CADPS: variants seen among roughly 807,000 people sequenced by gnomAD.
The protein encoded by CADPS is calcium dependent secretion activator.
A neutral mutation model predicts 167.3 loss-of-function variants in CADPS; 57 were observed. The ratio of observed to expected loss-of-function variants is 0.34; its 90% confidence interval spans 0.28 to 0.42. The LOEUF (loss-of-function observed/expected upper bound fraction) is 0.42, where lower values mean the gene tolerates loss of function less well. Ranked by LOEUF, CADPS falls within the 20% of genes least tolerant of loss-of-function variation. CADPS has a pLI of 1.00. For missense variants in CADPS, 1,414 were observed against 1,738.1 expected (o/e 0.81, Z 3.32); for synonymous variants, 676 against 635.3 (o/e 1.06, Z -0.96).
At chr3:62,852,472 C>A (rs913391243) in intron 1 of CADPS, among the ~76,000 whole-genome samples, 2 of 152,134 alleles carry the variant, frequency 1.3e-5, no homozygotes, top group African/African-American at 4.8e-5. Flanking sequence ...TCTCTTCTTT[C>A]ATTTTCCTTT....
rs1170748126 is a variant in CADPS, at chr3:62,458,082, TA to T, written c.3636+7284del. 2.6e-5 allele frequency among the ~76,000 whole-genome samples: 4 copies of T among 152,000 alleles called. No homozygotes were observed. In the East Asian group the frequency reaches 7.7e-4, roughly 29 times the overall value. On this transcript the variant is annotated intron_variant, in intron 26 of 29. Transcript: ENST00000383710. The surrounding 1 kb of genome is among the most constrained non-coding windows in gnomAD (Gnocchi z 4.6). Reference sequence around the variant, plus strand: ...GTATCCCAGAACTTGAAGTATAATTTAAAAAAAAATTTTTAAAAAAGCACCA... The same window carrying T: ...GTATCCCAGAACTTGAAGTATAATTTAAAAAAAATTTTTAAAAAAGCACCA...
At chr3:62,545,845 C>T (rs2076367869) in intron 11 of CADPS, among the ~76,000 whole-genome samples, 1 of 152,102 alleles carries the variant, frequency 6.6e-6, no homozygotes, top group Non-Finnish European at 1.5e-5. Flanking sequence ...TGGAGTGTTT[C>T]TTTTTCTCTA....
chr3:62,857,353 G>T (rs932558268), intron 1 of CADPS, among the ~76,000 whole-genome samples: 2 of 152,030 alleles, frequency 1.3e-5, no homozygotes, highest in African/African-American at 4.8e-5. Flanking sequence ...TTGGAAATTG[G>T]TAACAGCATT....
At chr3:62,537,583 G>T (rs1577384897) in intron 11 of CADPS, among the ~76,000 whole-genome samples, 4 of 152,252 alleles carry the variant, frequency 2.6e-5, no homozygotes, top group East Asian at 3.9e-4. Context: ...TCTAGCAAAA[G>T]ATTTTATTCA....
intron 3 of CADPS, among the ~76,000 whole-genome samples, chr3:62,676,953 C>T (rs931730604): frequency 6.6e-6 from 1 of 152,130 alleles, no homozygotes; most frequent in Non-Finnish European, 1.5e-5. Context: ...GATAGGAAGT[C>T]AGACATGCAC....
At chr3:62,870,532 T>C (rs2082440418) in intron 1 of CADPS, among the ~76,000 whole-genome samples, 1 of 152,242 alleles carries the variant, frequency 6.6e-6, no homozygotes, top group Non-Finnish European at 1.5e-5. Flanking sequence ...CATCATTTCA[T>C]GGGCAGATAC....
chr3:62,494,961 C>A (rs1046606888), intron 18 of CADPS, among the ~76,000 whole-genome samples: 7 of 152,084 alleles, frequency 4.6e-5, no homozygotes, highest in Non-Finnish European at 7.4e-5. Flanking sequence ...CCACACCTGG[C>A]CTCTTACCAG....
chr3:62,662,198 C>T (rs2073404553), intron 4 of CADPS, 116 bp downstream of exon 4: 3 of 899,382 alleles, frequency 3.3e-6, no homozygotes, highest in South Asian at 1.4e-5. Flanking sequence ...TGATTGTCCT[C>T]ATCTTCCCTC....
At chr3:62,400,007 CTTGT>C (rs1383968669) in intron 29 of CADPS, among the ~76,000 whole-genome samples, 1 of 152,076 alleles carries the variant, frequency 6.6e-6, no homozygotes, top group African/African-American at 2.4e-5. Flanking sequence ...CTGTTGCAGT[CTTGT>C]TTTAGTATTT....
At chr3:62,850,992 C>A (rs1052490706) in intron 1 of CADPS, among the ~76,000 whole-genome samples, 7 of 146,698 alleles carry the variant, frequency 4.8e-5, no homozygotes, top group African/African-American at 1.8e-4. Context: ...GGATAGTTAG[C>A]TCCTCTTGTT....
At position 62,784,526 on chromosome 3, in the gene CADPS, A is replaced by G. The variant is rs2092191119; in HGVS notation, c.442-18542T>C. On this transcript the variant is annotated intron_variant, in intron 1 of 29. Coordinates refer to ENST00000383710, the MANE Select transcript of CADPS (RefSeq NM_003716.4). ...TGATGGATATTAACAGTCCCCAAAG[A>G]GAGAGAACTATTTATTATGTGTCTA... Among the ~76,000 whole-genome samples, 7 of 152,330 alleles carry G rather than the reference A, an allele frequency of 4.6e-5. No individual in the cohort carries two copies. The South Asian group carries it at 1.4e-3, about 32-fold the overall frequency.
At chr3:62,738,834 G>T (rs2079572054) in intron 3 of CADPS, among the ~76,000 whole-genome samples, 1 of 152,118 alleles carries the variant, frequency 6.6e-6, no homozygotes, top group Non-Finnish European at 1.5e-5. Flanking sequence ...TTTATTTACT[G>T]TAGCAATAGA....
Position 62,400,880 on chromosome 3 carries a change from G to A in CADPS, c.3883-1295C>T, listed in dbSNP as rs529330767. On this transcript the variant is annotated intron_variant, in intron 29 of 29. Coordinates refer to ENST00000383710, the MANE Select transcript of CADPS (RefSeq NM_003716.4). ...CCCAAAGTGCTGAGATTACGGGCGT[G>A]AGCCATCGTGCCCGGCCCATTATTT... Among the ~76,000 whole-genome samples the A allele has an allele frequency of 2.6e-5, 4 of 152,162 alleles. No individual in the cohort carries two copies. The South Asian group carries it at 8.3e-4, about 32-fold the overall frequency.
intron 28 of CADPS, among the ~76,000 whole-genome samples, chr3:62,426,574 C>G (rs2052732195): frequency 6.6e-6 from 1 of 152,218 alleles, no homozygotes; most frequent in Non-Finnish European, 1.5e-5. Context: ...TCATTTAGTC[C>G]TCCTAATTCA....
intron 3 of CADPS, among the ~76,000 whole-genome samples, chr3:62,733,292 G>C (rs489852): frequency 0.25 from 37,800 of 152,138 alleles, 5,315 homozygotes; most frequent in African/African-American, 0.38. Context: ...TAGTTACATA[G>C]AAATGTAATG....
intron 13 of CADPS, among the ~76,000 whole-genome samples, chr3:62,527,141 G>A (rs1326283345): frequency 6.6e-6 from 1 of 152,156 alleles, no homozygotes; most frequent in Non-Finnish European, 1.5e-5. Flanking sequence ...GAGAACCACT[G>A]TACAAACTGA....
chr3:62,464,039 C>T (rs1021872429), intron 26 of CADPS, among the ~76,000 whole-genome samples: 3 of 152,186 alleles, frequency 2.0e-5, no homozygotes, highest in Admixed American at 6.5e-5. Context: ...CTGCATTTTA[C>T]AATAATCATA....
At chr3:62,633,661 C>A (rs1175069016) in intron 6 of CADPS, among the ~76,000 whole-genome samples, 2 of 152,050 alleles carry the variant, frequency 1.3e-5, no homozygotes, top group African/African-American at 2.4e-5. Context: ...TATTTTGTGA[C>A]CCCTCTAATT....
intron 4 of CADPS, among the ~76,000 whole-genome samples, chr3:62,660,437 C>T (rs1188127270): frequency 6.6e-6 from 1 of 152,166 alleles, no homozygotes; most frequent in Non-Finnish European, 1.5e-5. Context: ...TTTTATAATA[C>T]CTTTAGCCAA....
Sources: allele counts gnomAD v4.1 joint callset (sites outside exome capture counted in the v4.1 genomes callset), GRCh38; gene constraint gnomAD v4.1.1; non-coding constraint Gnocchi (gnomAD v3.1); transcripts MANE v1.5; gene names NCBI Gene and HGNC (gene_info 2026-07-23, HGNC 2026-07-21).